Variants in SLC25A48 observed in about 807,000 individuals in gnomAD.
SLC25A48 encodes CTC-321K16.1.
SLC25A48 carries 29 observed loss-of-function variants against 32.2 expected under a neutral mutation model. The ratio of observed to expected loss-of-function variants is 0.90; its 90% CI spans 0.67 to 1.23. SLC25A48 has a LOEUF of 1.23. Among genes scored for constraint, SLC25A48 ranks in the 50% most tolerant of loss-of-function variants. SLC25A48 has a pLI of 0.00. For synonymous variants in SLC25A48, 164 were observed against 172.3 expected, an observed-to-expected ratio of 0.95 and a Z score of 0.38; for missense variants, 399 against 422.7, an observed-to-expected ratio of 0.94 and a Z score of 0.49.
chr5:135,743,336 T>C (rs575419678), intron 3 of SLC25A48, among the ~76,000 whole-genome samples: 76 of 151,458 alleles, frequency 5.0e-4, no homozygotes, highest in African/African-American at 1.7e-3. Context: ...CCTCCCAAAG[T>C]GTTGGAATTA....
At chr5:135,858,145 C>A (rs542941722) in intron 4 of SLC25A48, among the ~76,000 whole-genome samples, 1 of 152,154 alleles carries the variant, frequency 6.6e-6, no homozygotes, top group Non-Finnish European at 1.5e-5. Flanking sequence ...AATAAACCCC[C>A]GAGGCAGCAA....
At chr5:135,789,254 T>C (rs1756951638) in intron 3 of SLC25A48, among the ~76,000 whole-genome samples, 4 of 34,782 alleles carry the variant, frequency 1.2e-4, no homozygotes, top group Non-Finnish European at 2.3e-4. Flanking sequence ...TGGTGTTACT[T>C]TCCATGTGGC....
At chr5:135,769,493 G>A (rs1216611164) in intron 3 of SLC25A48, among the ~76,000 whole-genome samples, 1 of 151,674 alleles carries the variant, frequency 6.6e-6, no homozygotes, top group Non-Finnish European at 1.5e-5. Context: ...GACAAAAAGA[G>A]GAAGGTATTA....
intron 3 of SLC25A48, among the ~76,000 whole-genome samples, chr5:135,776,028 G>T (rs1756549138): frequency 6.6e-6 from 1 of 151,488 alleles, no homozygotes; most frequent in Non-Finnish European, 1.5e-5. Context: ...TCCATATATT[G>T]TCCCTAATAT....
chr5:135,795,138 G>T (rs1230036769), intron 3 of SLC25A48, among the ~76,000 whole-genome samples: 1 of 151,752 alleles, frequency 6.6e-6, no homozygotes, highest in East Asian at 1.9e-4. Flanking sequence ...TAACACCCTG[G>T]GTGGGAGAGG....
intron 3 of SLC25A48, among the ~76,000 whole-genome samples, chr5:135,760,357 G>A (rs1430623853): frequency 6.6e-6 from 1 of 152,178 alleles, no homozygotes; most frequent in East Asian, 1.9e-4. Context: ...GCTTCTGCCT[G>A]TTTGACTTGG....
chr5:135,691,640 A>G (rs1017973722), intron 3 of SLC25A48, among the ~76,000 whole-genome samples: 3 of 152,156 alleles, frequency 2.0e-5, no homozygotes, highest in Non-Finnish European at 4.4e-5. Flanking sequence ...CAAGTTGGAT[A>G]CTCTATAAAT....
chr5:135,786,152 A>G (rs936808056), intron 3 of SLC25A48, among the ~76,000 whole-genome samples: 7 of 149,054 alleles, frequency 4.7e-5, no homozygotes, highest in South Asian at 2.1e-4. Context: ...TGCTCCATGG[A>G]TCATATCCAA....
At chr5:135,849,711 G>GAGCT (rs1367708474) in intron 2 of SLC25A48, among the ~76,000 whole-genome samples, 1 of 152,182 alleles carries the variant, frequency 6.6e-6, no homozygotes, top group Non-Finnish European at 1.5e-5. Flanking sequence ...AGATGAGCAG[G>GAGCT]AGCTGGAGGA....
chr5:135,583,236 T>C (rs1368885844), intron 1 of SLC25A48, among the ~76,000 whole-genome samples: 1 of 151,404 alleles, frequency 6.6e-6, no homozygotes, highest in Non-Finnish European at 1.5e-5. Flanking sequence ...GGAGTCCATA[T>C]TCCCAGGGAA....
intron 3 of SLC25A48, among the ~76,000 whole-genome samples, chr5:135,716,714 C>T (rs894777830): frequency 6.6e-6 from 1 of 152,126 alleles, no homozygotes; most frequent in African/African-American, 2.4e-5. Context: ...TGTAAAAGGT[C>T]GATTAGGGCA....
intron 3 of SLC25A48, among the ~76,000 whole-genome samples, chr5:135,779,844 T>C (rs1202390808): frequency 8.5e-6 from 1 of 117,180 alleles, no homozygotes; most frequent in African/African-American, 2.6e-5. Context: ...TGTGATATTG[T>C]TCCTAATATC....
At chr5:135,719,362 G>C (rs1323200004) in intron 3 of SLC25A48, among the ~76,000 whole-genome samples, 1 of 152,182 alleles carries the variant, frequency 6.6e-6, no homozygotes, top group African/African-American at 2.4e-5. Context: ...GTGTGTATGG[G>C]TATGTGTCAG....
intron 5 of SLC25A48, chr5:135,871,943 G>A (rs1329119164): frequency 3.4e-6 from 5 of 1,455,606 alleles, no homozygotes; most frequent in African/African-American, 1.4e-5. Flanking sequence ...TGACTTTCAG[G>A]CAACAGATAT....
At chr5:135,844,679 C>A (rs963801149) in intron 2 of SLC25A48, among the ~76,000 whole-genome samples, 1 of 152,114 alleles carries the variant, frequency 6.6e-6, no homozygotes, top group Non-Finnish European at 1.5e-5. Flanking sequence ...CAACATCATT[C>A]GATATATATT....
rs145216780 is a variant in SLC25A48 at position 135,787,461 on chromosome 5, G to T, written c.-520-25062G>T. Among the ~76,000 whole-genome samples, 125 of 152,030 alleles carry T rather than the reference G, an allele frequency of 8.2e-4. 1 individual carries two copies. The East Asian group carries it at 0.021, about 25-fold the overall frequency. On this transcript the variant is annotated intron_variant, in intron 3 of 10. Transcript: ENST00000646290. The stretch of plus-strand genomic sequence containing the variant: ...GTGTGTACACCCTGTGTTATTATTC[G>T]TAATATCTTAGAGGAATGTTACTCC...
At chr5:135,752,964 T>C (rs1166655332) in intron 3 of SLC25A48, among the ~76,000 whole-genome samples, 1 of 152,102 alleles carries the variant, frequency 6.6e-6, no homozygotes, top group Admixed American at 6.5e-5. Context: ...TTTTACATAA[T>C]ATCACAGGGG....
At chr5:135,635,135 C>T (rs1340210764) in intron 3 of SLC25A48, among the ~76,000 whole-genome samples, 1 of 152,168 alleles carries the variant, frequency 6.6e-6, no homozygotes, top group Non-Finnish European at 1.5e-5. Flanking sequence ...CAGGAAAACT[C>T]TAGTGATTGT....
intron 1 of SLC25A48, among the ~76,000 whole-genome samples, chr5:135,610,604 A>C (rs1017846935): frequency 6.6e-6 from 1 of 152,186 alleles, no homozygotes; most frequent in Non-Finnish European, 1.5e-5. Context: ...ATTATTGTGG[A>C]ATGAGGTGTT....
Sources: allele counts gnomAD v4.1 joint callset (sites outside exome capture counted in the v4.1 genomes callset), GRCh38; gene constraint gnomAD v4.1.1; transcripts MANE v1.5; gene names NCBI Gene and HGNC (gene_info 2026-07-23, HGNC 2026-07-21).